PALM2AKAP2: variants seen among roughly 807,000 people sequenced by gnomAD.
PALM2AKAP2 encodes the protein PALM2 and AKAP2 fusion, also known as PALM2-AKAP2 fusion protein.
A neutral mutation model predicts 71.5 loss-of-function variants in PALM2AKAP2; 37 were observed. That is an observed-to-expected ratio of 0.52 (90% CI 0.40 to 0.68). The LOEUF is 0.68. Among genes scored for constraint, PALM2AKAP2 ranks in the 30% least tolerant of loss-of-function variants. The pLI is 0.00. For missense variants in PALM2AKAP2, 1,224 were observed against 1,191.8 expected, an observed-to-expected ratio of 1.03 and a Z score of -0.40; for synonymous variants, 468 against 478.8, an observed-to-expected ratio of 0.98 and a Z score of 0.29.
intron 6 of PALM2AKAP2, among the ~76,000 whole-genome samples, chr9:110,014,297 CCTT>C (rs1411353840): frequency 3.3e-5 from 5 of 152,034 alleles, no homozygotes; most frequent in African/African-American, 1.2e-4. Context: ...ATTTTAACCT[CCTT>C]AAGAAAATAA....
At chr9:109,713,204 C>A (rs1433811362) in intron 1 of PALM2AKAP2, among the ~76,000 whole-genome samples, 1 of 152,164 alleles carries the variant, frequency 6.6e-6, no homozygotes, top group Non-Finnish European at 1.5e-5. Flanking sequence ...ATGCTCCCTT[C>A]TTCCTTCTTC....
chr9:109,738,339 T>A (rs530360119), intron 1 of PALM2AKAP2, among the ~76,000 whole-genome samples: 4 of 152,292 alleles, frequency 2.6e-5, no homozygotes, highest in Non-Finnish European at 5.9e-5. Context: ...CTGATTGGTG[T>A]GCTCTTTTTG....
exon 1 of PALM2AKAP2, chr9:110,048,746 C>A: frequency 1.5e-6 from 2 of 1,370,300 alleles, no homozygotes; most frequent in East Asian, 2.7e-5. Flanking sequence ...CCCCCGGAGT[C>A]TCCTGGACCC....
chr9:109,687,108 T>C (rs955232488), intron 1 of PALM2AKAP2, among the ~76,000 whole-genome samples: 2 of 152,188 alleles, frequency 1.3e-5, no homozygotes, highest in African/African-American at 2.4e-5. Flanking sequence ...TCCAAGTCTT[T>C]GCTATTGTGA....
intron 3 of PALM2AKAP2, among the ~76,000 whole-genome samples, chr9:109,882,518 T>TA (rs761050381): frequency 7.4e-4 from 113 of 152,354 alleles, no homozygotes; most frequent in South Asian, 1.7e-3. Flanking sequence ...GCTAAACTGT[T>TA]ACCAACCATT....
exon 2 of PALM2AKAP2, chr9:110,137,206 C>G (rs1835903030): frequency 6.2e-7 from 1 of 1,614,172 alleles, no homozygotes; most frequent in African/African-American, 1.3e-5. Flanking sequence ...AGATAGATTT[C>G]TCTGCTGCTC....
intron 3 of PALM2AKAP2, among the ~76,000 whole-genome samples, chr9:110,160,285 T>C (rs1564341211): frequency 6.6e-6 from 1 of 152,228 alleles, no homozygotes; most frequent in Non-Finnish European, 1.5e-5. Flanking sequence ...CACACCCAGA[T>C]GCAGCAATCC....
At chr9:109,968,613 G>A (rs753150142) in intron 6 of PALM2AKAP2, among the ~76,000 whole-genome samples, 27 of 152,152 alleles carry the variant, frequency 1.8e-4, no homozygotes, top group Admixed American at 1.3e-4. Context: ...AAGAGGCCCT[G>A]ATTTTGTGTT....
intron 4 of PALM2AKAP2, among the ~76,000 whole-genome samples, chr9:109,924,365 G>A (rs962982194): frequency 5.3e-5 from 8 of 152,084 alleles, no homozygotes; most frequent in South Asian, 4.1e-4. Context: ...TTGGGAGGCC[G>A]GGGCGGGTGG....
At chr9:110,061,357 C>T (rs879611390) in intron 1 of PALM2AKAP2, among the ~76,000 whole-genome samples, 1 of 152,026 alleles carries the variant, frequency 6.6e-6, no homozygotes, top group Non-Finnish European at 1.5e-5. Context: ...AACATGGGCC[C>T]ATTTTCATGC....
intron 1 of PALM2AKAP2, among the ~76,000 whole-genome samples, chr9:109,850,287 T>G (rs1428674095): frequency 6.6e-6 from 1 of 152,166 alleles, no homozygotes; most frequent in East Asian, 1.9e-4. Context: ...AGCTTTTTCT[T>G]AAATATTACC....
At chr9:109,990,695 A>G (rs774076048) in intron 6 of PALM2AKAP2, among the ~76,000 whole-genome samples, 6 of 152,356 alleles carry the variant, frequency 3.9e-5, no homozygotes, top group East Asian at 1.9e-4. Context: ...CTTTACTGCA[A>G]TAGGCATCAG....
chr9:110,028,937 G>A (rs1833229777), intron 7 of PALM2AKAP2, among the ~76,000 whole-genome samples: 1 of 145,160 alleles, frequency 6.9e-6, no homozygotes, highest in Admixed American at 6.9e-5. Context: ...TGTGGTTTTG[G>A]GTTCTTTTTG....
chr9:109,682,456 G>A (rs181178691), intron 1 of PALM2AKAP2, among the ~76,000 whole-genome samples: 28 of 152,268 alleles, frequency 1.8e-4, no homozygotes, highest in Non-Finnish European at 2.6e-4. Context: ...CATATGTAAA[G>A]TCATGGGATA....
At chr9:110,145,764 G>T (rs537629484) in intron 2 of PALM2AKAP2, among the ~76,000 whole-genome samples, 52 of 127,316 alleles carry the variant, frequency 4.1e-4, no homozygotes, top group Non-Finnish European at 6.8e-4. Flanking sequence ...GTTTGGCAAG[G>T]GGTGAAGGTG....
upstream of PALM2AKAP2, among the ~76,000 whole-genome samples, chr9:110,045,046 A>G (rs1833573884): frequency 6.6e-6 from 1 of 151,810 alleles, no homozygotes; most frequent in South Asian, 2.1e-4. Flanking sequence ...TTTTTCTAGA[A>G]AGAACATTCT....
At chr9:110,081,889 TCCTCACCATGC>T (rs1834456898) in intron 1 of PALM2AKAP2, among the ~76,000 whole-genome samples, 1 of 152,014 alleles carries the variant, frequency 6.6e-6, no homozygotes, top group Non-Finnish European at 1.5e-5. Context: ...CTCCAAACCT[TCCTCACCATGC>T]TAAATAGCCC....
chr9:109,646,803 T>C (rs1827162743), intron 1 of PALM2AKAP2, among the ~76,000 whole-genome samples: 2 of 152,214 alleles, frequency 1.3e-5, no homozygotes, highest in South Asian at 4.1e-4. Flanking sequence ...ATGGATACTT[T>C]GTGAGTTTGA....
chr9:109,838,486 A>T (rs1371622436), intron 1 of PALM2AKAP2, among the ~76,000 whole-genome samples: 1 of 152,236 alleles, frequency 6.6e-6, no homozygotes, highest in Non-Finnish European at 1.5e-5. Context: ...GCAAGAGCAA[A>T]CACATTCAAA....
Sources: allele counts gnomAD v4.1 joint callset (sites outside exome capture counted in the v4.1 genomes callset), GRCh38; gene constraint gnomAD v4.1.1; transcripts MANE v1.5; gene names NCBI Gene and HGNC (gene_info 2026-07-23, HGNC 2026-07-21).